The following USH2A variants were observed in gnomAD, a reference collection of about 807,000 sequenced individuals.
USH2A encodes the protein usherin, also known as Usher syndrome 2A (autosomal recessive, mild).
USH2A carries 443 observed loss-of-function variants against 538.9 expected under a neutral mutation model. The observed-to-expected ratio is 0.82, with a 90% CI of 0.76 to 0.89. The LOEUF is 0.89. USH2A is among the 40% of genes least tolerant of loss of function. USH2A has a pLI of 0.00. For missense variants in USH2A, 6,633 were observed against 6,324.8 expected (o/e 1.05, Z -1.65); for synonymous variants, 2,413 against 2,273.5 (o/e 1.06, Z -1.75).
At chr1:216,078,437 T>G in intron 26 of USH2A, 75 bp from the exon 27 acceptor site, 1 of 1,434,842 alleles carries the variant, frequency 7.0e-7, no homozygotes, top group East Asian at 2.3e-5. Context: ...GAGCAGAAAG[T>G]CAATTTCTTG....
intron 9 of USH2A, among the ~76,000 whole-genome samples, chr1:216,308,147 T>C (rs1003122600): frequency 6.6e-6 from 1 of 152,228 alleles, no homozygotes; most frequent in Non-Finnish European, 1.5e-5. Flanking sequence ...AAAATTTATA[T>C]AAGTGTATAC....
At chr1:215,665,771 T>C (rs1657587080) in intron 64 of USH2A, among the ~76,000 whole-genome samples, 1 of 152,148 alleles carries the variant, frequency 6.6e-6, no homozygotes, top group Admixed American at 6.5e-5. Context: ...ATGATTATTG[T>C]CTTTAAAAAA....
chr1:216,175,457 C>T lies in USH2A; in HGVS notation c.4422G>A (p.Leu1474=). ...AAAPAQLRPP[L]VKGINSTTIH... ...TTGTTGTGCTGTTGATTCCTTTAAC[C>T]AGAGGTGGCCTCAGTTGTGCTGGTG... Residue 1474 remains leucine, a synonymous_variant, in exon 21 of 72, where the codon CTG becomes CTA. Transcript: ENST00000307340. 6.2e-7 allele frequency: 1 copy of T among 1,613,746 alleles called. No individual in the cohort carries two copies. Among genetic ancestry groups the T allele is most frequent in the Non-Finnish European group, 8.5e-7 (1 of 1,179,842 alleles).
chr1:216,057,825 G>A (rs1183924565), intron 30 of USH2A, among the ~76,000 whole-genome samples: 2 of 152,046 alleles, frequency 1.3e-5, no homozygotes, highest in Non-Finnish European at 2.9e-5. Context: ...TTCCTATTGT[G>A]GCAAAGATTA....
At chr1:216,195,158 A>T (rs1429392217) in intron 19 of USH2A, among the ~76,000 whole-genome samples, 1 of 152,112 alleles carries the variant, frequency 6.6e-6, no homozygotes, top group Non-Finnish European at 1.5e-5. Flanking sequence ...ATAATCTTGG[A>T]ATTGTCTCAG....
rs183650351 is a variant in USH2A, at chr1:216,225,925, G to A, written c.2993+6028C>T. The stretch of plus-strand genomic sequence containing the variant: ...AGAGTGCGTGGCAGGCATCTGAATG[G>A]GTGATCATGTGTTTGAAAGCCATTA... On this transcript the variant is annotated intron_variant, in intron 14 of 71. Transcript: ENST00000307340. Among the ~76,000 whole-genome samples, 15 of 152,258 alleles carry A rather than the reference G, an allele frequency of 9.9e-5. No individual in the cohort carries two copies. In the East Asian group the frequency reaches 2.9e-3, roughly 29 times the overall value.
Position 216,159,027 on chromosome 1 carries a change from A to C in USH2A, c.4627+16225T>G, listed in dbSNP as rs187097003. 1.9e-3 allele frequency among the ~76,000 whole-genome samples: 289 copies of C among 152,266 alleles called. 1 individual carries two copies. Among genetic ancestry groups the C allele is most frequent in the African/African-American group, 6.8e-3 (283 of 41,568 alleles). On this transcript the variant is annotated intron_variant, in intron 21 of 71. Coordinates refer to ENST00000307340, the MANE Select transcript of USH2A (RefSeq NM_206933.4). ...TACTTGTTTTTTGCTATTCAATAGA[A>C]ACATTTGATTTCTGTACATTGACCT...
At chr1:215,650,944 C>A in intron 64 of USH2A, 143 bp from the exon 65 acceptor site, 1 of 865,094 alleles carries the variant, frequency 1.2e-6, no homozygotes, top group Non-Finnish European at 1.8e-6. Flanking sequence ...GATCTTGCAA[C>A]CTTGTAATCA....
At chr1:215,860,005 A>T (rs1174362208) in intron 44 of USH2A, among the ~76,000 whole-genome samples, 1 of 152,130 alleles carries the variant, frequency 6.6e-6, no homozygotes, top group African/African-American at 2.4e-5. Context: ...TTAGTTTTTG[A>T]AGAAATGAAT....
At chr1:216,096,684 G>A (rs1028500517) in intron 22 of USH2A, among the ~76,000 whole-genome samples, 21 of 152,064 alleles carry the variant, frequency 1.4e-4, no homozygotes, top group South Asian at 4.1e-4. Flanking sequence ...CATAGTACCC[G>A]ATAGCCACTT....
intron 16 of USH2A, among the ~76,000 whole-genome samples, chr1:216,205,458 G>A (rs2035090163): frequency 6.6e-6 from 1 of 152,168 alleles, no homozygotes; most frequent in Admixed American, 6.5e-5. Flanking sequence ...GAAGAGACAT[G>A]TAGAGCCAAG....
In USH2A at chr1:215,728,157, G is replaced by C. The variant is rs763956305; in HGVS notation, c.11939C>G (p.Ser3980Ter). The C allele has an allele frequency of 1.9e-6, 3 of 1,614,190 alleles. No homozygotes were observed. The change falls in exon 61 of 72, where the codon TCA (serine) becomes TGA (stop). Residue 3980 changes from serine (S) to a stop codon, truncating the protein, a stop_gained. Coordinates refer to ENST00000307340, the MANE Select transcript of USH2A (RefSeq NM_206933.4). LOFTEE classifies it high-confidence loss of function. ...APWAQATSAH[S>*]VLLNWTKPES... ...TGGCTTTGTCCAATTCAACAGAACT[G>C]AATGAGCACTCGTGGCTTGAGCCCA...
chr1:215,836,430 T>C (rs1663485024), intron 47 of USH2A, among the ~76,000 whole-genome samples: 1 of 109,708 alleles, frequency 9.1e-6, no homozygotes, highest in African/African-American at 3.2e-5. Flanking sequence ...CTCTTTTGTA[T>C]TACTTTTGCC....
At chr1:216,188,398 T>G (rs548578093) in intron 20 of USH2A, among the ~76,000 whole-genome samples, 8 of 151,930 alleles carry the variant, frequency 5.3e-5, no homozygotes, top group African/African-American at 1.9e-4. Flanking sequence ...CTAGATCTCA[T>G]CTACAAGAAT....
rs555571600 is a variant in USH2A at position 215,716,228 on chromosome 1, G to A, written c.12066+11802C>T. On this transcript the variant is annotated intron_variant, in intron 61 of 71. Transcript: ENST00000307340. ...GGGGGGGCCCGCCAAGTAGAAAGCC[G>A]ATTCTTTTCAGAATCAAACTGAGCC... Among the ~76,000 whole-genome samples the A allele has an allele frequency of 1.1e-4, 16 of 152,338 alleles. No individual in the cohort carries two copies. In the South Asian group the frequency reaches 1.4e-3, roughly 14 times the overall value.
chr1:216,232,259 G>GTAT, intron 13 of USH2A, 123 bp from the exon 14 acceptor site: 1 of 1,128,618 alleles, frequency 8.9e-7, no homozygotes. Flanking sequence ...CAATACAAAT[G>GTAT]TGGTTATATC....
rs535263451 is a variant in USH2A at position 216,078,052 on chromosome 1, C to T, written c.5572+37G>A. 10 of 1,612,964 alleles carry T rather than the reference C, an allele frequency of 6.2e-6. No homozygotes were observed. The South Asian group carries it at 9.9e-5, about 16-fold the overall frequency. On this transcript the variant is annotated intron_variant, in intron 27 of 71. Coordinates refer to ENST00000307340, the MANE Select transcript of USH2A (RefSeq NM_206933.4). Reference sequence around the variant, plus strand: ...CCACCAAAAACTGTTAGCACCAGGGCTGTATGGATTTGTGAATTCCTCCAG... The same window carrying T: ...CCACCAAAAACTGTTAGCACCAGGGTTGTATGGATTTGTGAATTCCTCCAG...
intron 58 of USH2A, among the ~76,000 whole-genome samples, chr1:215,748,869 T>C (rs565585368): frequency 6.6e-6 from 1 of 152,304 alleles, no homozygotes; most frequent in Admixed American, 6.5e-5. Context: ...AAGTACTTAA[T>C]AAATGGCTGA....
intron 58 of USH2A, among the ~76,000 whole-genome samples, chr1:215,758,120 C>T (rs1432689567): frequency 6.6e-6 from 1 of 151,644 alleles, no homozygotes; most frequent in Non-Finnish European, 1.5e-5. Flanking sequence ...ACTGTCTCTA[C>T]TAAAAACAAT....
Sources: gnomAD v4.1 joint callset for allele counts (sites outside exome capture counted in the v4.1 genomes callset) on GRCh38, gnomAD v4.1.1 for gene constraint, MANE v1.5 for transcripts, NCBI Gene and HGNC (gene_info 2026-07-23, HGNC 2026-07-21) for gene names.